DARS1: variants seen among roughly 807,000 people sequenced by gnomAD.
DARS1 encodes aspartate--tRNA ligase, cytoplasmic.
DARS1 carries 51 observed loss-of-function variants against 68.8 expected under a neutral mutation model. That is an observed-to-expected ratio of 0.74 (90% CI 0.59 to 0.94). The LOEUF is 0.94. Among genes scored for constraint, DARS1 ranks in the 40% least tolerant of loss-of-function variants. The pLI is 0.00. For missense variants in DARS1, 607 were observed against 597.3 expected (o/e 1.02, Z -0.17); for synonymous variants, 203 against 190.4 (o/e 1.07, Z -0.55).
At chr2:135,935,497 G>A (rs1470603508) in intron 5 of DARS1, among the ~76,000 whole-genome samples, 1 of 152,104 alleles carries the variant, frequency 6.6e-6, no homozygotes, top group Non-Finnish European at 1.5e-5. Flanking sequence ...CTACTCGGGA[G>A]GCTGAGGCAG....
intron 4 of DARS1, among the ~76,000 whole-genome samples, chr2:135,950,794 G>A (rs1446516011): frequency 6.6e-6 from 1 of 152,182 alleles, no homozygotes; most frequent in Non-Finnish European, 1.5e-5. Flanking sequence ...ATAGGAATCA[G>A]TTGTCATGCC....
At chr2:135,910,823 A>G (rs1283386860) in intron 15 of DARS1, 1 of 229,000 alleles carries the variant, frequency 4.4e-6, no homozygotes, top group South Asian at 7.4e-5. Context: ...GCATCTCAAT[A>G]AAAACACTTA....
chr2:135,947,538 C>G (rs192798408), intron 4 of DARS1, among the ~76,000 whole-genome samples: 28 of 151,958 alleles, frequency 1.8e-4, no homozygotes, highest in African/African-American at 4.8e-4. Context: ...GTGTGAAGTG[C>G]TTTAGGTAGA....
intron 5 of DARS1, 92 bp downstream of exon 5, chr2:135,943,286 C>T: frequency 6.7e-7 from 1 of 1,484,726 alleles, no homozygotes; most frequent in Admixed American, 2.3e-5. Context: ...CAGTATTTTA[C>T]ATTAATTAGT....
At chr2:135,948,130 A>G (rs1375920727) in intron 4 of DARS1, among the ~76,000 whole-genome samples, 1 of 152,216 alleles carries the variant, frequency 6.6e-6, no homozygotes, top group African/African-American at 2.4e-5. Context: ...TTTTCAATAC[A>G]GATGTTGCAG....
At chr2:135,928,630 G>A (rs890967015) in intron 7 of DARS1, among the ~76,000 whole-genome samples, 1 of 148,284 alleles carries the variant, frequency 6.7e-6, no homozygotes, top group East Asian at 2.0e-4. Flanking sequence ...TTACAGGCAT[G>A]AGCCACCATG....
intron 6 of DARS1, 71 bp downstream of exon 6, chr2:135,933,839 C>A: frequency 6.5e-7 from 1 of 1,528,660 alleles, no homozygotes; most frequent in Non-Finnish European, 8.8e-7. Context: ...ACCCTTAGTA[C>A]ATCAGGTTTT....
chr2:135,920,401 G>T, intron 10 of DARS1, 52 bp downstream of exon 10: 1 of 1,504,178 alleles, frequency 6.6e-7, no homozygotes, highest in South Asian at 1.4e-5. Context: ...TTTTTTTAAA[G>T]GGCCCAAACA....
intron 5 of DARS1, among the ~76,000 whole-genome samples, chr2:135,935,801 GA>G (rs1681457147): frequency 6.6e-6 from 1 of 152,062 alleles, no homozygotes; most frequent in Non-Finnish European, 1.5e-5. Context: ...GCACAAACGG[GA>G]AAAATACCTT....
chr2:135,971,533 G>A (rs1018565713), intron 3 of DARS1, among the ~76,000 whole-genome samples: 1 of 152,090 alleles, frequency 6.6e-6, no homozygotes, highest in Non-Finnish European at 1.5e-5. Flanking sequence ...TCTGGAACAC[G>A]ACAAGGATGC....
At chr2:135,984,555 A>G (rs1467544479) in intron 1 of DARS1, among the ~76,000 whole-genome samples, 2 of 152,230 alleles carry the variant, frequency 1.3e-5, no homozygotes. Flanking sequence ...TGAGGGCAAC[A>G]GAAGGAGATT....
chr2:135,922,987 T>A, intron 8 of DARS1, 69 bp from the exon 9 acceptor site: 1 of 1,314,224 alleles, frequency 7.6e-7, no homozygotes. Flanking sequence ...AACCTCTAGT[T>A]AAAAAGTTTA....
At chr2:135,952,884 A>C (rs1681873916) in intron 4 of DARS1, among the ~76,000 whole-genome samples, 1 of 152,192 alleles carries the variant, frequency 6.6e-6, no homozygotes, top group Non-Finnish European at 1.5e-5. Flanking sequence ...TTTCCTTTGA[A>C]TAATTACCCC....
At chr2:135,919,498 T>C (rs1175533504) in intron 10 of DARS1, among the ~76,000 whole-genome samples, 5 of 152,174 alleles carry the variant, frequency 3.3e-5, no homozygotes, top group Admixed American at 1.3e-4. Flanking sequence ...CTGTCACTTA[T>C]TAAAATGCTA....
chr2:135,915,376 T>C (rs1281395538), intron 11 of DARS1, among the ~76,000 whole-genome samples: 1 of 152,170 alleles, frequency 6.6e-6, no homozygotes, highest in African/African-American at 2.4e-5. Context: ...GCCTTGATAC[T>C]CCTGGGCACA....
intron 11 of DARS1, among the ~76,000 whole-genome samples, chr2:135,915,817 C>T (rs1276683234): frequency 6.6e-6 from 1 of 151,952 alleles, no homozygotes; most frequent in Non-Finnish European, 1.5e-5. Context: ...AGAGAAGTAA[C>T]ATATTAGAAG....
At chr2:135,978,142 CAAAAAAAAAAAAAA>C (rs59505882) in intron 3 of DARS1, among the ~76,000 whole-genome samples, 4 of 54,736 alleles carry the variant, frequency 7.3e-5, no homozygotes, top group East Asian at 4.4e-4. Context: ...GACTCTGTCT[CAAAAAAAAAAAAAA>C]AAAAAAAAAG....
Position 135,944,321 on chromosome 2 carries a change from T to C in DARS1, c.321-841A>G, listed in dbSNP as rs1681670265. Among the ~76,000 whole-genome samples the C allele has an allele frequency of 3.3e-5, 5 of 152,190 alleles. No homozygotes were observed. In the South Asian group the frequency reaches 1.0e-3, roughly 31 times the overall value. ...ACAAAGTATATCACAATATAGTTGATGAAAAGGATAAGATTTAATTTTCAT... is the reference window on the plus strand; with the variant it reads ...ACAAAGTATATCACAATATAGTTGACGAAAAGGATAAGATTTAATTTTCAT... On this transcript the variant is annotated intron_variant, in intron 4 of 15. Coordinates refer to ENST00000264161, the MANE Select transcript of DARS1 (RefSeq NM_001349.4).
intron 12 of DARS1, among the ~76,000 whole-genome samples, chr2:135,913,912 T>A (rs145922274): frequency 6.6e-6 from 1 of 152,322 alleles, no homozygotes; most frequent in South Asian, 2.1e-4. Context: ...TTCAGAAATA[T>A]CAGTTCTCTA....
Sources: allele counts gnomAD v4.1 joint callset (sites outside exome capture counted in the v4.1 genomes callset), GRCh38; gene constraint gnomAD v4.1.1; transcripts MANE v1.5; gene names NCBI Gene and HGNC (gene_info 2026-07-23, HGNC 2026-07-21).